The following BTBD2 variants were observed in gnomAD, a reference collection of about 807,000 sequenced individuals.
BTBD2 encodes BTB/POZ domain-containing protein 2.
Under a neutral mutation model 44.0 loss-of-function variants are expected in BTBD2, and 15 were observed. The ratio of observed to expected loss-of-function variants is 0.34; its 90% CI spans 0.23 to 0.53. The LOEUF (loss-of-function observed/expected upper bound fraction) is 0.53. Ranked by LOEUF, BTBD2 falls within the 20% of genes least tolerant of loss-of-function variation. BTBD2 has a pLI of 0.95. For synonymous variants in BTBD2, 443 were observed against 335.9 expected, an observed-to-expected ratio of 1.32 and a Z score of -3.49; for missense variants, 657 against 746.4, an observed-to-expected ratio of 0.88 and a Z score of 1.39.
At chr19:2,013,618 T>C in intron 1 of BTBD2, 2 of 978,784 alleles carry the variant, frequency 2.0e-6, no homozygotes, top group Middle Eastern at 5.2e-4. Context: ...AAGTGGGAGG[T>C]GGCAGGGCCC....
Position 2,006,691 on chromosome 19 carries a change from G to GT in BTBD2, c.407+8605dup, listed in dbSNP as rs567903719. On this transcript the variant is annotated intron_variant, in intron 1 of 8. Coordinates refer to ENST00000255608, the MANE Select transcript of BTBD2 (RefSeq NM_017797.4). ...CCCACCACTTGTTTTTGTAAATTAA[G>GT]TTTTTTTTTTTTCTGAGACGGAGTT... is the stretch of plus-strand genomic sequence containing the variant. Among the ~76,000 whole-genome samples the GT allele has an allele frequency of 7.3e-3, 1,062 of 145,608 alleles. 24 individuals are homozygous for GT. In the East Asian group the frequency reaches 0.075, roughly 10 times the overall value.
intron 1 of BTBD2, among the ~76,000 whole-genome samples, chr19:2,013,343 C>G (rs1346284675): frequency 1.3e-5 from 2 of 152,006 alleles, no homozygotes; most frequent in African/African-American, 4.8e-5. Flanking sequence ...ACCCCGCACA[C>G]TGGCAAAGAC....
chr19:2,006,144 A>G (rs1218895311), intron 1 of BTBD2, among the ~76,000 whole-genome samples: 2 of 152,088 alleles, frequency 1.3e-5, no homozygotes, highest in Non-Finnish European at 2.9e-5. Flanking sequence ...AGGGGTCAAT[A>G]CTAGACACAC....
At chr19:2,010,045 G>C (rs1019200682) in intron 1 of BTBD2, among the ~76,000 whole-genome samples, 1 of 151,886 alleles carries the variant, frequency 6.6e-6, no homozygotes, top group Non-Finnish European at 1.5e-5. Flanking sequence ...CCAGCTACTC[G>C]GGAGGCTGAG....
intron 1 of BTBD2, among the ~76,000 whole-genome samples, chr19:2,003,992 C>G (rs541395043): frequency 7.9e-5 from 12 of 151,766 alleles, no homozygotes; most frequent in African/African-American, 2.9e-4. Context: ...ACAGAGAGAA[C>G]TCAGCCATCC....
chr19:1,986,283 T>TC lies in BTBD2; in HGVS notation c.*204dup. On this transcript the variant is annotated 3_prime_UTR_variant, in exon 9 of 9. Transcript: ENST00000255608. ...GGGCCTGGCCACTGGCCTGGCCACCTCCCCGGCTGCCCTGATCCAGCAGCC... is the reference window on the plus strand; with the variant it reads ...GGGCCTGGCCACTGGCCTGGCCACCTCCCCCGGCTGCCCTGATCCAGCAGCC... 1.6e-6 allele frequency: 1 copy of TC among 632,196 alleles called. No individual in the cohort carries two copies. The allele number at this position is 632,196 out of a possible 1,614,324, so 39.2% of individuals were successfully genotyped here.
At chr19:2,003,460 C>T (rs543691301) in intron 1 of BTBD2, 2 of 149,842 alleles carry the variant, frequency 1.3e-5, no homozygotes, top group African/African-American at 4.9e-5. Flanking sequence ...GGCGACAGGG[C>T]AAGACTCCGT....
rs1290968479 is a variant in BTBD2 at position 2,015,455 on chromosome 19, C to A, written c.249G>T (p.Pro83=). 7.2e-7 allele frequency: 1 copy of A among 1,382,098 alleles called. No homozygotes were observed. Among genetic ancestry groups the A allele is most frequent in the Admixed American group, 3.0e-5 (1 of 33,862 alleles). 85.6% of individuals were successfully genotyped at this position (1,382,098 alleles called of 1,614,324 possible). The part of the protein sequence containing the change: ...GAERAEEAAG[P]GAAALQREAA... ...CCTCGCGCTGCAGCGCCGCCGCCCC[C>A]GGGCCCGCCGCCTCCTCCGCCCGCT... Residue 83 remains proline (P), a synonymous_variant, in exon 1 of 9, where the codon CCG becomes CCT. Coordinates refer to ENST00000255608, the MANE Select transcript of BTBD2 (RefSeq NM_017797.4).
chr19:1,990,369 A>G (rs1057168592), intron 4 of BTBD2, 168 bp from the exon 5 acceptor site: 35 of 709,292 alleles, frequency 4.9e-5, no homozygotes, highest in Non-Finnish European at 7.9e-5. Context: ...TTATCAACAC[A>G]AGACCACGCC....
intron 1 of BTBD2, chr19:2,013,792 T>A: frequency 1.9e-6 from 1 of 514,676 alleles, no homozygotes; most frequent in Non-Finnish European, 2.5e-6. Context: ...CCGGTGGGGG[T>A]CACTGGGTCT....
At chr19:1,989,216 C>A (rs1265169064) in intron 5 of BTBD2, among the ~76,000 whole-genome samples, 1 of 152,200 alleles carries the variant, frequency 6.6e-6, no homozygotes, top group Admixed American at 6.5e-5. Flanking sequence ...CATAGCAAGA[C>A]CCTGTCCCCA....
chr19:1,998,390 T>C (rs1276266845), intron 1 of BTBD2, among the ~76,000 whole-genome samples: 2 of 152,198 alleles, frequency 1.3e-5, no homozygotes, highest in African/African-American at 4.8e-5. Flanking sequence ...GCCACGTCCA[T>C]GGGGAAGGGC....
At chr19:2,002,323 C>G (rs1180552876) in intron 1 of BTBD2, among the ~76,000 whole-genome samples, 1 of 152,224 alleles carries the variant, frequency 6.6e-6, no homozygotes, top group Non-Finnish European at 1.5e-5. Context: ...TCAAGCGATC[C>G]TCCCAGTTCA....
chr19:1,998,835 G>A (rs1011621978), intron 1 of BTBD2, among the ~76,000 whole-genome samples: 5 of 152,044 alleles, frequency 3.3e-5, no homozygotes, highest in African/African-American at 1.2e-4. Flanking sequence ...CGCTCGCGAA[G>A]TGGGATCACA....
At chr19:1,999,629 G>A (rs1319820615) in intron 1 of BTBD2, among the ~76,000 whole-genome samples, 1 of 151,432 alleles carries the variant, frequency 6.6e-6, no homozygotes, top group Non-Finnish European at 1.5e-5. Flanking sequence ...CTGCGCCACT[G>A]CACTCCAGCC....
At chr19:2,003,890 T>C (rs963648527) in intron 1 of BTBD2, among the ~76,000 whole-genome samples, 6 of 151,840 alleles carry the variant, frequency 4.0e-5, no homozygotes, top group Admixed American at 2.6e-4. Context: ...ACCAGCCTTC[T>C]GTTCTATTCC....
In BTBD2 at chr19:1,987,637, G is replaced by A; in HGVS notation, c.1044C>T (p.His348=). 6.2e-7 allele frequency: 1 copy of A among 1,612,380 alleles called. No homozygotes were observed. Reference sequence around the variant, plus strand: ...CTCGTGGCTTGGGGTTGACGGTGAAGTGCAGGAAGAGGCTGACCACCTCGC... The same window carrying A: ...CTCGTGGCTTGGGGTTGACGGTGAAATGCAGGAAGAGGCTGACCACCTCGC... ...VDREVVSLFL[H]FTVNPKPRVE... The change falls in exon 6 of 9, where the codon CAC becomes CAT. Residue 348 remains histidine (H), a synonymous_variant. Coordinates refer to ENST00000255608, the MANE Select transcript of BTBD2 (RefSeq NM_017797.4).
At chr19:1,999,343 G>A (rs2016295086) in intron 1 of BTBD2, among the ~76,000 whole-genome samples, 3 of 152,212 alleles carry the variant, frequency 2.0e-5, no homozygotes, top group African/African-American at 7.2e-5. Flanking sequence ...GGGGAAGGCT[G>A]GCCCTAAACA....
chr19:2,008,002 G>A (rs2016416316), intron 1 of BTBD2, among the ~76,000 whole-genome samples: 2 of 151,192 alleles, frequency 1.3e-5, no homozygotes, highest in Admixed American at 1.3e-4. Context: ...GACCAGCTGA[G>A]AAAGTCTTTT....
Sources: gnomAD v4.1 joint callset for allele counts (sites outside exome capture counted in the v4.1 genomes callset) on GRCh38, gnomAD v4.1.1 for gene constraint, MANE v1.5 for transcripts, NCBI Gene and HGNC (gene_info 2026-07-23, HGNC 2026-07-21) for gene names.